SLC4A10: variants seen among roughly 807,000 people sequenced by gnomAD.
The protein encoded by SLC4A10 is solute carrier family 4 member 10, also known as sodium-driven chloride bicarbonate exchanger.
A neutral mutation model predicts 137.7 loss-of-function variants in SLC4A10; 42 were observed. The observed-to-expected ratio is 0.30, with a 90% CI of 0.24 to 0.39. SLC4A10 has a LOEUF of 0.39. Among genes scored for constraint, SLC4A10 ranks in the 10% least tolerant of loss-of-function variants. The pLI, the probability that SLC4A10 is intolerant of heterozygous loss-of-function variation, is 1.00. For missense variants in SLC4A10, 925 were observed against 1,355.0 expected, an observed-to-expected ratio of 0.68 and a Z score of 4.98; for synonymous variants, 474 against 464.1, an observed-to-expected ratio of 1.02 and a Z score of -0.27.
At position 161,839,815 on chromosome 2, in the gene SLC4A10, AT is replaced by A; in HGVS notation, c.306del (p.Gly104GlufsTer38). The A allele has an allele frequency of 6.2e-7, 1 of 1,613,832 alleles. No individual in the cohort carries two copies. The highest frequency in any genetic ancestry group is 8.5e-7 in the Non-Finnish European group (1 of 1,179,818). ...CACCCCATCACAGAGGGTACAGTTT[AT>A]TCTTGGAACCGAGGATGATGACGAG... ...FDTPSQRVQF[I>X]LGTEDDDEEH... On this transcript the variant is annotated frameshift_variant, in exon 4 of 27. Coordinates refer to ENST00000446997, the MANE Select transcript of SLC4A10 (RefSeq NM_001178015.2). LOFTEE classifies it high-confidence loss of function.
chr2:161,944,351 A>G (rs1693311421), intron 16 of SLC4A10, among the ~76,000 whole-genome samples: 1 of 151,868 alleles, frequency 6.6e-6, no homozygotes, highest in Non-Finnish European at 1.5e-5. Context: ...CCCATCTCTA[A>G]GTTATATAAC....
At chr2:161,817,063 T>C (rs1275047329) in intron 3 of SLC4A10, among the ~76,000 whole-genome samples, 3 of 152,164 alleles carry the variant, frequency 2.0e-5, no homozygotes, top group East Asian at 3.9e-4. Context: ...ACACTGACTT[T>C]CACAATGATT....
intron 3 of SLC4A10, among the ~76,000 whole-genome samples, chr2:161,806,381 A>T (rs2055961006): frequency 6.6e-6 from 1 of 151,998 alleles, no homozygotes. Context: ...ATTTGGCTTG[A>T]ATTTCTCCTC....
At chr2:161,897,902 C>T (rs1298849007) in intron 11 of SLC4A10, among the ~76,000 whole-genome samples, 4 of 152,054 alleles carry the variant, frequency 2.6e-5, no homozygotes, top group Admixed American at 6.6e-5. Context: ...TACCCATTAG[C>T]TATTGAAACA....
intron 15 of SLC4A10, among the ~76,000 whole-genome samples, chr2:161,934,475 C>G (rs912068191): frequency 6.6e-6 from 1 of 152,172 alleles, no homozygotes; most frequent in African/African-American, 2.4e-5. Context: ...CACTTCTATT[C>G]ATGTTGACAC....
At position 161,904,850 on chromosome 2, in the gene SLC4A10, C is replaced by T; in HGVS notation, c.1692C>T (p.Thr564=). 6.2e-7 allele frequency: 1 copy of T among 1,613,892 alleles called. No individual in the cohort carries two copies. The highest frequency in any genetic ancestry group is 8.5e-7 in the Non-Finnish European group (1 of 1,179,830). Residue 564 remains threonine (T), a synonymous_variant, in exon 14 of 27, where the codon ACC becomes ACT. Coordinates refer to ENST00000446997, the MANE Select transcript of SLC4A10 (RefSeq NM_001178015.2). ...AYSLFGGQPL[T]ILGSTGPVLV... is the part of the protein sequence containing the mutation. ...CTCTCTTTGGTGGACAGCCTCTTAC[C>T]ATATTAGGCAGTACAGGACCAGTTT...
chr2:161,823,717 G>A (rs1038644547), intron 3 of SLC4A10, among the ~76,000 whole-genome samples: 1 of 152,174 alleles, frequency 6.6e-6, no homozygotes, highest in East Asian at 1.9e-4. Flanking sequence ...GTAAAGTACT[G>A]TAAGTGTATT....
intron 15 of SLC4A10, among the ~76,000 whole-genome samples, chr2:161,924,410 C>A (rs921605583): frequency 7.2e-5 from 11 of 151,948 alleles, no homozygotes; most frequent in African/African-American, 2.2e-4. Context: ...TGAGAACTGT[C>A]TGCTGAGATT....
intron 3 of SLC4A10, among the ~76,000 whole-genome samples, chr2:161,827,629 G>A (rs1017395008): frequency 6.6e-6 from 1 of 151,434 alleles, no homozygotes; most frequent in Non-Finnish European, 1.5e-5. Flanking sequence ...AGTGGCGCGC[G>A]ATCTCGGCTC....
chr2:161,747,315 T>A (rs2048489275), intron 1 of SLC4A10, among the ~76,000 whole-genome samples: 1 of 152,128 alleles, frequency 6.6e-6, no homozygotes, highest in Admixed American at 6.6e-5. Flanking sequence ...TTCCGCCTTG[T>A]GTTGTTTTCT....
At chr2:161,696,351 A>T (rs1168934638) in intron 1 of SLC4A10, among the ~76,000 whole-genome samples, 1 of 150,000 alleles carries the variant, frequency 6.7e-6, no homozygotes, top group Non-Finnish European at 1.5e-5. Context: ...CATGTGCACA[A>T]TGTGCAGGTT....
chr2:161,626,377 G>A (rs2032366562), intron 1 of SLC4A10, among the ~76,000 whole-genome samples: 1 of 152,124 alleles, frequency 6.6e-6, no homozygotes, highest in Non-Finnish European at 1.5e-5. Flanking sequence ...AAAGAGCAGA[G>A]AAAATACAAG....
intron 3 of SLC4A10, among the ~76,000 whole-genome samples, chr2:161,814,669 G>T (rs1444971083): frequency 6.6e-6 from 1 of 152,150 alleles, no homozygotes; most frequent in African/African-American, 2.4e-5. Context: ...TGCAGGAACA[G>T]AAAACCAAAT....
intron 1 of SLC4A10, among the ~76,000 whole-genome samples, chr2:161,727,923 C>T (rs2046403703): frequency 6.6e-6 from 1 of 152,046 alleles, no homozygotes. Flanking sequence ...TAGTACCACA[C>T]CAAGGGCACA....
At chr2:161,752,218 T>G (rs149462990) in intron 1 of SLC4A10, among the ~76,000 whole-genome samples, 1 of 152,142 alleles carries the variant, frequency 6.6e-6, no homozygotes, top group African/African-American at 2.4e-5. Context: ...CTTCCATAAT[T>G]TATTGCTTTC....
At chr2:161,962,968 T>C (rs888065324) in intron 21 of SLC4A10, among the ~76,000 whole-genome samples, 1 of 152,178 alleles carries the variant, frequency 6.6e-6, no homozygotes, top group Non-Finnish European at 1.5e-5. Context: ...ATATTACTTT[T>C]TGAAAATGCA....
At chr2:161,739,340 C>A (rs541564405) in intron 1 of SLC4A10, among the ~76,000 whole-genome samples, 5 of 152,240 alleles carry the variant, frequency 3.3e-5, no homozygotes, top group African/African-American at 1.2e-4. Context: ...GTCTTTCATG[C>A]TTTTATCGCC....
At chr2:161,750,444 T>G (rs1245576871) in intron 1 of SLC4A10, among the ~76,000 whole-genome samples, 1 of 151,778 alleles carries the variant, frequency 6.6e-6, no homozygotes, top group Non-Finnish European at 1.5e-5. Context: ...TATTTTCTTT[T>G]GCCTTGAGAT....
intron 1 of SLC4A10, among the ~76,000 whole-genome samples, chr2:161,693,718 C>G (rs892757091): frequency 3.0e-5 from 4 of 132,896 alleles, no homozygotes; most frequent in African/African-American, 1.1e-4. Flanking sequence ...GTGATATGTA[C>G]AGTATTTGTC....
Sources: allele counts gnomAD v4.1 joint callset (sites outside exome capture counted in the v4.1 genomes callset), GRCh38; gene constraint gnomAD v4.1.1; transcripts MANE v1.5; gene names NCBI Gene and HGNC (gene_info 2026-07-23, HGNC 2026-07-21).